TLL1: variants seen among roughly 807,000 people sequenced by gnomAD.
The protein encoded by TLL1 is tolloid like 1.
Under a neutral mutation model 128.2 loss-of-function variants are expected in TLL1, and 49 were observed. The observed-to-expected ratio is 0.38, with a 90% confidence interval of 0.30 to 0.48. The LOEUF (loss-of-function observed/expected upper bound fraction) is 0.48, where lower values mean the gene tolerates loss of function less well. TLL1 is among the 20% of genes least tolerant of loss of function. The pLI is 0.96. For synonymous variants in TLL1, 454 were observed against 418.8 expected (o/e 1.08, Z -1.03); for missense variants, 1,123 against 1,242.0 (o/e 0.90, Z 1.44).
chr4:166,069,315 C>T (rs919374184), intron 16 of TLL1, among the ~76,000 whole-genome samples: 2 of 151,536 alleles, frequency 1.3e-5, no homozygotes, highest in South Asian at 2.1e-4. Context: ...TAAAAATTTC[C>T]GAAGTGGTTG....
At chr4:165,962,259 A>G (rs761891747) in intron 1 of TLL1, among the ~76,000 whole-genome samples, 2 of 152,230 alleles carry the variant, frequency 1.3e-5, no homozygotes, top group Non-Finnish European at 2.9e-5. Context: ...TATGTGGGCA[A>G]AGGACATTAA....
chr4:165,989,636 G>T, intron 2 of TLL1, 145 bp downstream of exon 2: 3 of 591,128 alleles, frequency 5.1e-6, no homozygotes, highest in African/African-American at 2.0e-5. Context: ...AGAAATGCAG[G>T]TTTTATTCAT....
intron 1 of TLL1, among the ~76,000 whole-genome samples, chr4:165,967,518 T>G (rs753755094): frequency 3.9e-5 from 6 of 152,252 alleles, no homozygotes; most frequent in Non-Finnish European, 8.8e-5. Context: ...TCTTCTGCCA[T>G]GGCTTTGGCC....
chr4:165,935,233 A>C (rs1733708137), intron 1 of TLL1, among the ~76,000 whole-genome samples: 1 of 152,230 alleles, frequency 6.6e-6, no homozygotes, highest in Non-Finnish European at 1.5e-5. Context: ...TTTTCAAGTT[A>C]ATAAGCCTCA....
At chr4:165,916,952 C>G (rs1330320806) in intron 1 of TLL1, among the ~76,000 whole-genome samples, 1 of 152,106 alleles carries the variant, frequency 6.6e-6, no homozygotes, top group African/African-American at 2.4e-5. Context: ...GCTATCTTCT[C>G]ATGCCCATTT....
At chr4:165,897,976 A>T (rs964531979) in intron 1 of TLL1, among the ~76,000 whole-genome samples, 4 of 151,868 alleles carry the variant, frequency 2.6e-5, no homozygotes, top group African/African-American at 9.7e-5. Context: ...TAGATATTTT[A>T]TTCTGTTTGT....
chr4:166,100,008 C>T (rs895840903), intron 20 of TLL1, among the ~76,000 whole-genome samples: 17 of 152,284 alleles, frequency 1.1e-4, no homozygotes, highest in African/African-American at 4.1e-4. Flanking sequence ...TACAGAGACA[C>T]TGTTCCATTG....
chr4:165,921,412 C>G (rs1733036860), intron 1 of TLL1, among the ~76,000 whole-genome samples: 1 of 152,100 alleles, frequency 6.6e-6, no homozygotes, highest in South Asian at 2.1e-4. Context: ...GCTTCAGTTA[C>G]CATGGCATAT....
chr4:166,020,597 A>G (rs1009077482), intron 8 of TLL1, among the ~76,000 whole-genome samples: 6 of 152,008 alleles, frequency 3.9e-5, no homozygotes, highest in East Asian at 1.9e-4. Flanking sequence ...TACCCTACTC[A>G]TAGGATTACT....
chr4:166,017,103 T>C (rs1737985480), intron 8 of TLL1, among the ~76,000 whole-genome samples: 1 of 152,072 alleles, frequency 6.6e-6, no homozygotes, highest in African/African-American at 2.4e-5. Context: ...CCCTCCCCTC[T>C]AGTAGTCCAT....
intron 1 of TLL1, among the ~76,000 whole-genome samples, chr4:165,959,513 A>T (rs1734989140): frequency 6.6e-6 from 1 of 152,230 alleles, no homozygotes; most frequent in African/African-American, 2.4e-5. Context: ...TCTATAGAAT[A>T]TTCCTCCCAA....
chr4:166,089,532 G>C (rs1425532888), intron 18 of TLL1, among the ~76,000 whole-genome samples: 1 of 152,090 alleles, frequency 6.6e-6, no homozygotes, highest in Non-Finnish European at 1.5e-5. Context: ...AGATTAACAA[G>C]TGACACATTC....
At chr4:165,916,083 T>G (rs1269236385) in intron 1 of TLL1, among the ~76,000 whole-genome samples, 1 of 152,178 alleles carries the variant, frequency 6.6e-6, no homozygotes, top group African/African-American at 2.4e-5. Flanking sequence ...TACTTTCGTC[T>G]GTGGACAGAG....
intron 19 of TLL1, 74 bp from the exon 20 acceptor site, chr4:166,099,201 GAA>G: frequency 6.2e-7 from 1 of 1,602,806 alleles, no homozygotes; most frequent in Non-Finnish European, 8.5e-7. Context: ...AGGCTACACT[GAA>G]ACTACACTGA....
chr4:165,906,386 T>C (rs7698450), intron 1 of TLL1, among the ~76,000 whole-genome samples: 51,261 of 152,046 alleles, frequency 0.34, 9,110 homozygotes, highest in East Asian at 0.56. Context: ...CAATTTAACA[T>C]GTGAGGAAAC....
At chr4:165,951,966 G>T (rs1404833329) in intron 1 of TLL1, among the ~76,000 whole-genome samples, 1 of 152,016 alleles carries the variant, frequency 6.6e-6, no homozygotes, top group Non-Finnish European at 1.5e-5. Context: ...TTCTTTATGT[G>T]GCATTGTACT....
intron 12 of TLL1, chr4:166,044,540 A>T: frequency 1.0e-6 from 1 of 981,494 alleles, no homozygotes; most frequent in Non-Finnish European, 1.5e-6. Flanking sequence ...TTCTACTTTA[A>T]TCATTATGTT....
chr4:166,060,254 AT>A, intron 15 of TLL1, 66 bp downstream of exon 15: 2 of 1,436,512 alleles, frequency 1.4e-6, no homozygotes, highest in Admixed American at 1.8e-5. Flanking sequence ...AAACTGTGAA[AT>A]TAAAAAAAAA....
chr4:166,089,045 T>C (rs1215763073), intron 18 of TLL1, among the ~76,000 whole-genome samples: 1 of 152,124 alleles, frequency 6.6e-6, no homozygotes, highest in African/African-American at 2.4e-5. Context: ...AATACTCTCT[T>C]CTATGCAGCA....
Sources: gnomAD v4.1 joint callset for allele counts (sites outside exome capture counted in the v4.1 genomes callset) on GRCh38, gnomAD v4.1.1 for gene constraint, MANE v1.5 for transcripts, NCBI Gene and HGNC (gene_info 2026-07-23, HGNC 2026-07-21) for gene names.